The following KANK1 variants were observed in gnomAD, a reference collection of about 807,000 sequenced individuals.
KANK1 encodes the protein KN motif and ankyrin repeat domains 1, also known as KN motif and ankyrin repeat domain-containing protein 1.
KANK1 carries 109 observed loss-of-function variants against 106.2 expected under a neutral mutation model. That is an observed-to-expected ratio of 1.03 (90% confidence interval 0.88 to 1.20). The LOEUF (loss-of-function observed/expected upper bound fraction) is 1.20. Among genes scored for constraint, KANK1 ranks in the 50% most tolerant of loss-of-function variants. The pLI is 0.00. For synonymous variants in KANK1, 873 were observed against 652.2 expected (o/e 1.34, Z -5.16); for missense variants, 2,399 against 1,710.7 (o/e 1.40, Z -7.10).
At chr9:562,242 C>T (rs1278282951) in intron 1 of KANK1, among the ~76,000 whole-genome samples, 4 of 150,724 alleles carry the variant, frequency 2.7e-5, no homozygotes, top group South Asian at 2.1e-4. Flanking sequence ...TTAGTAGAGA[C>T]GGGGTTTCAC....
At chr9:511,716 A>G (rs1234358299) in intron 1 of KANK1, among the ~76,000 whole-genome samples, 7 of 152,254 alleles carry the variant, frequency 4.6e-5, no homozygotes, top group African/African-American at 7.2e-5. Flanking sequence ...AATATAAACA[A>G]CAAAGGGTTT....
chr9:496,800 T>C (rs977743052), intron 3 of KANK1, among the ~76,000 whole-genome samples: 1 of 152,088 alleles, frequency 6.6e-6, no homozygotes, highest in Non-Finnish European at 1.5e-5. Context: ...TCAATAAATA[T>C]TTGGTAAATA....
intron 1 of KANK1, among the ~76,000 whole-genome samples, chr9:528,052 G>A (rs917938790): frequency 1.3e-5 from 2 of 151,240 alleles, no homozygotes; most frequent in Non-Finnish European, 2.9e-5. Flanking sequence ...AGAATGGCAT[G>A]AACCCGGGAG....
intron 1 of KANK1, among the ~76,000 whole-genome samples, chr9:556,549 A>G (rs1312385874): frequency 2.6e-5 from 4 of 152,212 alleles, no homozygotes; most frequent in Non-Finnish European, 4.4e-5. Context: ...TACAATGACT[A>G]TGCGGTTTTG....
chr9:648,284 G>C (rs1232243289), intron 1 of KANK1, among the ~76,000 whole-genome samples: 1 of 151,898 alleles, frequency 6.6e-6, no homozygotes, highest in Admixed American at 6.6e-5. Flanking sequence ...TTACAGGCGT[G>C]AGCCACCACG....
At chr9:541,286 G>T (rs982951798) in intron 1 of KANK1, among the ~76,000 whole-genome samples, 1 of 152,150 alleles carries the variant, frequency 6.6e-6, no homozygotes, top group Non-Finnish European at 1.5e-5. Flanking sequence ...TTTACAGTCG[G>T]TTGGCTCTTT....
At chr9:717,914 C>G (rs1246744953) in intron 3 of KANK1, among the ~76,000 whole-genome samples, 1 of 152,164 alleles carries the variant, frequency 6.6e-6, no homozygotes, top group Non-Finnish European at 1.5e-5. Context: ...GAACATTCAT[C>G]TCTCATACTG....
chr9:514,110 CT>C (rs1381637928), intron 1 of KANK1, among the ~76,000 whole-genome samples: 1 of 142,178 alleles, frequency 7.0e-6, no homozygotes, highest in African/African-American at 2.8e-5. Flanking sequence ...CTCCCTCCCT[CT>C]CTTCCTCCCT....
In KANK1 at chr9:682,845, G is replaced by T. The variant is rs114404151; in HGVS notation, c.37+5836G>T. ...GAGTACAAAGGCCACTGATAAGACCGGGTCAGCCAGACAGAGCCAGGCTCA... is the reference window on the plus strand; with the variant it reads ...GAGTACAAAGGCCACTGATAAGACCTGGTCAGCCAGACAGAGCCAGGCTCA... On this transcript the variant is annotated intron_variant, in intron 2 of 11. Transcript: ENST00000382297. Among the ~76,000 whole-genome samples, 824 of 152,270 alleles carry T rather than the reference G, an allele frequency of 5.4e-3. 7 individuals carry two copies. The highest frequency in any genetic ancestry group is 0.018 in the African/African-American group (763 of 41,540).
chr9:744,475 T>C lies in KANK1; in HGVS notation c.3898-16T>C, dbSNP rs1172282980. ...GAGAAACCCAACATGGCTTGTTCTT[T>C]CCATCTTATCTTAAGGATGGCAGCA... On this transcript the variant is annotated splice_polypyrimidine_tract_variant and intron_variant, in intron 10 of 11. Coordinates refer to ENST00000382297, the MANE Select transcript of KANK1 (RefSeq NM_015158.5). 1.9e-6 allele frequency: 3 copies of C among 1,608,520 alleles called. No homozygotes were observed. The highest frequency in any genetic ancestry group is 1.7e-6 in the Non-Finnish European group (2 of 1,175,690).
At chr9:730,836 G>A (rs1832037661) in intron 4 of KANK1, 1 of 206,570 alleles carries the variant, frequency 4.8e-6, no homozygotes, top group Admixed American at 5.5e-5. Flanking sequence ...TCCCTGTTTA[G>A]TACGTAAATG....
intron 1 of KANK1, among the ~76,000 whole-genome samples, chr9:529,943 G>A (rs2059983452): frequency 6.6e-6 from 1 of 152,186 alleles, no homozygotes; most frequent in African/African-American, 2.4e-5. Flanking sequence ...TGCCAGTACA[G>A]TATGTTATGA....
At position 657,397 on chromosome 9, in the gene KANK1, G is replaced by C. The variant is rs183724227; in HGVS notation, c.-83-19493G>C. The stretch of plus-strand genomic sequence containing the variant: ...CTTTTGGGCATATACCCAGAAGTAG[G>C]GTTCTTGAATCTCATGGTAGTTCTA... On this transcript the variant is annotated intron_variant, in intron 1 of 11. Transcript: ENST00000382297. Among the ~76,000 whole-genome samples the C allele has an allele frequency of 4.4e-3, 445 of 102,026 alleles. 1 individual carries two copies. The highest frequency in any genetic ancestry group is 0.011 in the African/African-American group (378 of 35,818). The allele number at this position is 102,026 out of a possible 152,430, so 66.9% of individuals were successfully genotyped here. A position where few individuals can be genotyped will look rare whatever the true frequency, so the allele number is the denominator to read the frequency against.
intron 3 of KANK1, among the ~76,000 whole-genome samples, chr9:482,474 A>G (rs748556260): frequency 6.6e-6 from 1 of 152,068 alleles, no homozygotes; most frequent in African/African-American, 2.4e-5. Flanking sequence ...TCCCTTGCCA[A>G]CTCAACCTCC....
chr9:595,905 G>A (rs944107413), intron 1 of KANK1, among the ~76,000 whole-genome samples: 2 of 151,828 alleles, frequency 1.3e-5, no homozygotes, highest in Admixed American at 6.5e-5. Context: ...TTTACAGTTT[G>A]AGCATCCCCT....
chr9:686,782 C>T, intron 2 of KANK1: 1 of 985,388 alleles, frequency 1.0e-6, no homozygotes, highest in Non-Finnish European at 1.2e-6. Context: ...CCAAGCATCA[C>T]ACACGTGCTG....
At chr9:577,452 C>T (rs142405638) in intron 1 of KANK1, among the ~76,000 whole-genome samples, 168 of 152,150 alleles carry the variant, frequency 1.1e-3, no homozygotes, top group African/African-American at 2.9e-3. Flanking sequence ...CTGATTGGCG[C>T]GCTTACAAAC....
intron 1 of KANK1, among the ~76,000 whole-genome samples, chr9:580,469 A>C (rs548463457): frequency 6.6e-6 from 1 of 152,150 alleles, no homozygotes; most frequent in African/African-American, 2.4e-5. Context: ...TGATTGGTCA[A>C]TTTTACAGAG....
At chr9:479,037 C>T (rs540655639) in intron 3 of KANK1, among the ~76,000 whole-genome samples, 2 of 152,142 alleles carry the variant, frequency 1.3e-5, no homozygotes, top group East Asian at 3.9e-4. Flanking sequence ...CATGTTCAGC[C>T]TCCTGAGTAG....
Sources: allele counts gnomAD v4.1 joint callset (sites outside exome capture counted in the v4.1 genomes callset), GRCh38; gene constraint gnomAD v4.1.1; transcripts MANE v1.5; gene names NCBI Gene and HGNC (gene_info 2026-07-23, HGNC 2026-07-21).